The following DDX51 variants were observed in gnomAD, a reference collection of about 807,000 sequenced individuals.
The protein encoded by DDX51 is DEAD-box helicase 51, also known as ATP-dependent RNA helicase DDX51.
A neutral mutation model predicts 74.6 loss-of-function variants in DDX51; 67 were observed. The ratio of observed to expected loss-of-function variants is 0.90; its 90% CI spans 0.74 to 1.10. The LOEUF (loss-of-function observed/expected upper bound fraction) is 1.10, where lower values mean the gene tolerates loss of function less well. Among genes scored for constraint, DDX51 ranks in the 50% least tolerant of loss-of-function variants. DDX51 has a pLI of 0.00. For missense variants in DDX51, 1,056 were observed against 905.2 expected, an observed-to-expected ratio of 1.17 and a Z score of -2.14; for synonymous variants, 545 against 402.9, an observed-to-expected ratio of 1.35 and a Z score of -4.22.
chr12:132,142,757 C>T lies in DDX51; in HGVS notation c.641G>A (p.Arg214Gln), dbSNP rs750959146. 7.1e-5 allele frequency: 114 copies of T among 1,612,968 alleles called. No individual in the cohort carries two copies. In the East Asian group the frequency reaches 1.6e-3, roughly 23 times the overall value. ...DVHPDLQKQLRAHGISSYFPV... is the reference protein window; with the variant it reads ...DVHPDLQKQLQAHGISSYFPV... Reference sequence around the variant, plus strand: ...AAAGTAGGACGAGATGCCGTGTGCCCGCAGCTGCTTCTGCAGGTCAGGATG... The same window carrying T: ...AAAGTAGGACGAGATGCCGTGTGCCTGCAGCTGCTTCTGCAGGTCAGGATG... Residue 214 changes from arginine (R) to glutamine (Q), a missense_variant, in exon 3 of 15, where the codon CGG (arginine) becomes CAG (glutamine). By Grantham distance (43) the Arg-to-Gln change is conservative (BLOSUM62 1). Coordinates refer to ENST00000397333, the MANE Select transcript of DDX51 (RefSeq NM_175066.4).
At chr12:132,141,764 C>T (rs545654209) in intron 6 of DDX51, 86 bp downstream of exon 6, 110 of 1,507,716 alleles carry the variant, frequency 7.3e-5, no homozygotes, top group Non-Finnish European at 9.8e-5. Context: ...AAGATGGTGG[C>T]CCCTCCTCTG....
intron 12 of DDX51, 51 bp from the exon 13 acceptor site, chr12:132,139,975 C>CT: frequency 1.2e-6 from 2 of 1,611,728 alleles, no homozygotes; most frequent in South Asian, 1.1e-5. Context: ...CTTCAAGAGT[C>CT]TGACGGAACG....
intron 3 of DDX51, 140 bp downstream of exon 3, chr12:132,142,588 G>C: frequency 2.0e-6 from 3 of 1,471,700 alleles, no homozygotes; most frequent in South Asian, 1.3e-5. Context: ...GGAGACCCAA[G>C]TGGGAACCAT....
chr12:132,142,525 G>A, intron 3 of DDX51, 103 bp from the exon 4 acceptor site: 2 of 1,511,422 alleles, frequency 1.3e-6, no homozygotes, highest in South Asian at 2.6e-5. Flanking sequence ...CTGGAGGCCT[G>A]GGAACCGCTC....
intron 11 of DDX51, 85 bp from the exon 12 acceptor site, chr12:132,140,284 C>T: frequency 6.4e-7 from 1 of 1,568,000 alleles, no homozygotes; most frequent in Non-Finnish European, 8.7e-7. Context: ...CAGCTCAGGC[C>T]TTTCTGGGAA....
At chr12:132,140,259 C>G in intron 11 of DDX51, 60 bp from the exon 12 acceptor site, 1 of 1,580,018 alleles carries the variant, frequency 6.3e-7, no homozygotes, top group Non-Finnish European at 8.6e-7. Flanking sequence ...GTGGCAGCAC[C>G]GGCCCTGCGG....
In DDX51 at chr12:132,138,495, T is replaced by C. The variant is rs1258513109; in HGVS notation, c.*777A>G. The C allele has an allele frequency of 6.7e-6, 1 of 149,684 alleles. No homozygotes were observed. The highest frequency in any genetic ancestry group is 1.5e-5 in the Non-Finnish European group (1 of 67,384). The allele number at this position is 149,684 out of a possible 1,614,324, so 9.3% of individuals were successfully genotyped here. On this transcript the variant is annotated 3_prime_UTR_variant, in exon 15 of 15. Coordinates refer to ENST00000397333, the MANE Select transcript of DDX51 (RefSeq NM_175066.4). ...GCCCGGCTAGTTGTTTTTTTTTTTT[T>C]TTTGTATTTTTAGTAGAGACGGGGT...
Position 132,139,469 on chromosome 12 carries a change from C to T in DDX51, c.1974+166G>A, listed in dbSNP as rs1044537928. 3 of 1,525,326 alleles carry T rather than the reference C, an allele frequency of 2.0e-6. No individual in the cohort carries two copies. The South Asian group carries it at 3.4e-5, about 17-fold the overall frequency. The allele number at this position is 1,525,326 out of a possible 1,614,324, so 94.5% of individuals were successfully genotyped here. On this transcript the variant is annotated intron_variant, in intron 14 of 14. Transcript: ENST00000397333. ...GTGCCACGTGTTTCCACCACTGGTG[C>T]CCAGGGGCTCCCCGCCCTTGGGCCA... is the stretch of plus-strand genomic sequence containing the variant.
Position 132,143,727 on chromosome 12 carries a change from G to T in DDX51, c.487C>A (p.Leu163Met). The T allele has an allele frequency of 1.3e-6, 2 of 1,536,108 alleles. No homozygotes were observed. The change falls in exon 2 of 15, where the codon CTG becomes ATG. Residue 163 changes from leucine to methionine, a missense_variant. Transcript: ENST00000397333. Reference sequence around the variant, plus strand: ...GCCTTCCTCTTCCCGAACCCCCCCAGCACCAGGCCGGGGACCAGGGGTCCG... The same window carrying T: ...GCCTTCCTCTTCCCGAACCCCCCCATCACCAGGCCGGGGACCAGGGGTCCG... Reference protein sequence around the residue: ...AAGPLVPGLVLGGFGKRKAPK... With the variant: ...AAGPLVPGLVMGGFGKRKAPK...
rs1181737557 is a variant in DDX51 at position 132,142,499 on chromosome 12, G to C, written c.671-77C>G. 4 of 1,554,232 alleles carry C rather than the reference G, an allele frequency of 2.6e-6. No homozygotes were observed. The East Asian group carries it at 6.8e-5, about 27-fold the overall frequency. Reference sequence around the variant, plus strand: ...TGCCGCTTCCCTGCCTGTGACCTCTGGGCTGGGCTGCTCTGCTGGAGGCCT... The same window carrying C: ...TGCCGCTTCCCTGCCTGTGACCTCTCGGCTGGGCTGCTCTGCTGGAGGCCT... On this transcript the variant is annotated intron_variant, in intron 3 of 14. Coordinates refer to ENST00000397333, the MANE Select transcript of DDX51 (RefSeq NM_175066.4).
rs747307019 is a variant in DDX51 at position 132,140,553 on chromosome 12, A to G, written c.1557-14T>C. The G allele has an allele frequency of 3.1e-6, 5 of 1,612,958 alleles. No homozygotes were observed. The Admixed American group carries it at 6.7e-5, about 21-fold the overall frequency. On this transcript the variant is annotated splice_polypyrimidine_tract_variant and intron_variant, in intron 10 of 14. Transcript: ENST00000397333. The stretch of plus-strand genomic sequence containing the variant: ...AGCAGGAAGAGCCTAGGCAGAGAGA[A>G]GGCTGCGGCCAAGTGATGCTGGGAC...
rs1897594474 is a variant in DDX51, at chr12:132,143,981, C to T, written c.304+12G>A. On this transcript the variant is annotated intron_variant, in intron 1 of 14. Transcript: ENST00000397333. Reference sequence around the variant, plus strand: ...GGCGCCCCAGAGGGAGCCCGCTCGCCCCGCGGCCCACCTGCGCCCGCGTCC... The same window carrying T: ...GGCGCCCCAGAGGGAGCCCGCTCGCTCCGCGGCCCACCTGCGCCCGCGTCC... 7.1e-7 allele frequency: 1 copy of T among 1,415,362 alleles called. No homozygotes were observed. The highest frequency in any genetic ancestry group is 9.2e-7 in the Non-Finnish European group (1 of 1,091,950). The allele number at this position is 1,415,362 out of a possible 1,614,324, so 87.7% of individuals were successfully genotyped here. A position where few individuals can be genotyped will look rare whatever the true frequency, so the allele number is the denominator to read the frequency against.
At chr12:132,140,272 G>T in intron 11 of DDX51, 73 bp from the exon 12 acceptor site, 1 of 1,572,628 alleles carries the variant, frequency 6.4e-7, no homozygotes, top group South Asian at 1.1e-5. Context: ...CCCTGCGGGG[G>T]GCAGCTCAGG....
In DDX51 at chr12:132,143,606, A is replaced by T. The variant is rs1279575297; in HGVS notation, c.519+89T>A. On this transcript the variant is annotated intron_variant, in intron 2 of 14. Transcript: ENST00000397333. ...GGCTGTGACCCGGGAACATTCGCTG[A>T]ACGAAATCTTCCGGGGCGACCGCCG... The T allele has an allele frequency of 2.0e-6, 3 of 1,483,544 alleles. No homozygotes were observed. In the South Asian group the frequency reaches 3.6e-5, roughly 18 times the overall value. 91.9% of individuals were successfully genotyped at this position (1,483,544 alleles called of 1,614,324 possible). A position where few individuals can be genotyped will look rare whatever the true frequency, so the allele number is the denominator to read the frequency against.
In DDX51 at chr12:132,139,115, C is replaced by T. The variant is rs75289754; in HGVS notation, c.*157G>A. ...CGGGGCAGGTGCTTGAGCTCTGACG[C>T]CCGGGCTGCCTGGCGCAGAGACCAC... On this transcript the variant is annotated 3_prime_UTR_variant, in exon 15 of 15. Transcript: ENST00000397333. 15,383 of 1,148,484 alleles carry T rather than the reference C, an allele frequency of 0.013. 478 individuals carry two copies. Among genetic ancestry groups the T allele is most frequent in the South Asian group, 0.057 (3,856 of 67,632 alleles). The allele number at this position is 1,148,484 out of a possible 1,614,324, so 71.1% of individuals were successfully genotyped here. A position where few individuals can be genotyped will look rare whatever the true frequency, so the allele number is the denominator to read the frequency against.
chr12:132,142,489 T>C, intron 3 of DDX51, 67 bp from the exon 4 acceptor site: 1 of 1,569,584 alleles, frequency 6.4e-7, no homozygotes, highest in Non-Finnish European at 8.6e-7. Context: ...CTTCCCTGCC[T>C]GTGACCTCTG....
rs1565955427 is a variant in DDX51 at position 132,142,832 on chromosome 12, C to T, written c.566G>A (p.Arg189Lys). The T allele has an allele frequency of 6.2e-7, 1 of 1,613,006 alleles. No individual in the cohort carries two copies. Among genetic ancestry groups the T allele is most frequent in the Admixed American group, 1.7e-5 (1 of 60,024 alleles). The change falls in exon 3 of 15, where the codon AGA (arginine) becomes AAA (lysine). Residue 189 changes from arginine to lysine, a missense_variant. Physicochemically the swap from Arg to Lys is conservative, Grantham distance 26 (BLOSUM62 2). Coordinates refer to ENST00000397333, the MANE Select transcript of DDX51 (RefSeq NM_175066.4). ...PRWLAEPNCV[R>K]RNVTEDLVPI... ...AACCAGGTCTTCGGTGACATTCCTTCTGACACAGTTAGGCTCAGCCAGCCA... is the reference window on the plus strand; with the variant it reads ...AACCAGGTCTTCGGTGACATTCCTTTTGACACAGTTAGGCTCAGCCAGCCA...
intron 7 of DDX51, 33 bp from the exon 8 acceptor site, chr12:132,141,453 C>T (rs373795913): frequency 9.5e-6 from 15 of 1,581,860 alleles, no homozygotes; most frequent in African/African-American, 4.0e-5. Context: ...GACTGGGTGG[C>T]GCGGCCCTGA....
At chr12:132,139,321 C>T in intron 14 of DDX51, 23 bp from the exon 15 acceptor site, 2 of 1,605,312 alleles carry the variant, frequency 1.2e-6, no homozygotes, top group Non-Finnish European at 1.7e-6. Context: ...GGGGAGGGCT[C>T]AGCACCACAC....
Sources: allele counts gnomAD v4.1 joint callset, GRCh38; gene constraint gnomAD v4.1.1; transcripts MANE v1.5; gene names NCBI Gene and HGNC (gene_info 2026-07-23, HGNC 2026-07-21).